PTPRS: variants seen among roughly 807,000 people sequenced by gnomAD.
The protein encoded by PTPRS is protein tyrosine phosphatase receptor type S.
Under a neutral mutation model 215.3 loss-of-function variants are expected in PTPRS, and 63 were observed. That is an observed-to-expected ratio of 0.29 (90% confidence interval 0.24 to 0.36). The LOEUF (loss-of-function observed/expected upper bound fraction) is 0.36, where lower values mean the gene tolerates loss of function less well. Ranked by LOEUF, PTPRS falls within the 10% of genes least tolerant of loss-of-function variation. PTPRS has a pLI of 1.00. For missense variants in PTPRS, 2,258 were observed against 2,825.8 expected (o/e 0.80, Z 4.56); for synonymous variants, 1,404 against 1,191.4 (o/e 1.18, Z -3.68).
At chr19:5,271,046 C>A (rs1003320485) in intron 4 of PTPRS, among the ~76,000 whole-genome samples, 1 of 152,166 alleles carries the variant, frequency 6.6e-6, no homozygotes, top group Non-Finnish European at 1.5e-5. Context: ...GCTGTGATAA[C>A]CCCTCCCAGG....
intron 1 of PTPRS, among the ~76,000 whole-genome samples, chr19:5,303,985 G>A (rs541717818): frequency 3.7e-5 from 4 of 108,484 alleles, no homozygotes; most frequent in African/African-American, 8.6e-5. Flanking sequence ...AAACAGAAGC[G>A]CGGAGGGCTA....
Position 5,210,554 on chromosome 19 carries a change from C to A in PTPRS, c.5402G>T (p.Arg1801Leu), listed in dbSNP as rs770322238. The A allele has an allele frequency of 1.9e-6, 3 of 1,614,158 alleles. No homozygotes were observed. The highest frequency in any genetic ancestry group is 2.5e-6 in the Non-Finnish European group (3 of 1,180,020). Residue 1801 changes from arginine (R) to leucine (L), a missense_variant, in exon 35 of 38, where the codon CGC (arginine) becomes CTC (leucine). Physicochemically the swap from Arg to Leu is moderately radical, Grantham distance 102. This residue lies in a region of PTPRS where 927 missense variants were observed against 1,125.9 expected (regional missense o/e 0.82). Coordinates refer to ENST00000262963, the MANE Select transcript of PTPRS (RefSeq NM_002850.4). The surrounding 1 kb of genome is among the most constrained non-coding windows in gnomAD (Gnocchi z 4.5). ...HQYWPAERSA[R>L]YQYFVVDPMA... Reference sequence around the variant, plus strand: ...CGGATCTACCACAAAGTACTGGTAGCGGGCAGAGCGCTCGGCCGGCCAGTA... The same window carrying A: ...CGGATCTACCACAAAGTACTGGTAGAGGGCAGAGCGCTCGGCCGGCCAGTA...
At position 5,265,660 on chromosome 19, in the gene PTPRS, A is replaced by AG. The variant is rs2046346489; in HGVS notation, c.380-465dup. Among the ~76,000 whole-genome samples, 6 of 151,684 alleles carry AG rather than the reference A, an allele frequency of 4.0e-5. No homozygotes were observed. In the South Asian group the frequency reaches 1.3e-3, roughly 32 times the overall value. On this transcript the variant is annotated intron_variant, in intron 4 of 37. Coordinates refer to ENST00000262963, the MANE Select transcript of PTPRS (RefSeq NM_002850.4). ...CCTGGTTGGGTCCCTCTTCTGTACAAGGGGGAGGCTGGTGTCAGGGAGCTG... is the reference window on the plus strand; with the variant it reads ...CCTGGTTGGGTCCCTCTTCTGTACAAGGGGGGAGGCTGGTGTCAGGGAGCTG...
chr19:5,244,525 T>A lies in PTPRS; in HGVS notation c.989-43A>T. On this transcript the variant is annotated intron_variant, in intron 10 of 37. Coordinates refer to ENST00000262963, the MANE Select transcript of PTPRS (RefSeq NM_002850.4). This position sits in a 1 kb window ranked among gnomAD's most constrained non-coding sequence, Gnocchi z 7.2. ...CTGTGTCACGCATTGGGCACATTGG[T>A]TGAGGACCCTGAAGGCTGTGTGACT... The A allele has an allele frequency of 6.6e-7, 1 of 1,525,056 alleles. No individual in the cohort carries two copies. The allele number at this position is 1,525,056 out of a possible 1,614,324, so 94.5% of individuals were successfully genotyped here. A position where few individuals can be genotyped will look rare whatever the true frequency, so the allele number is the denominator to read the frequency against.
chr19:5,206,450 C>G lies in PTPRS; in HGVS notation c.*324G>C. 1 of 383,976 alleles carries G rather than the reference C, an allele frequency of 2.6e-6. No homozygotes were observed. Among genetic ancestry groups the G allele is most frequent in the South Asian group, 2.8e-5 (1 of 36,308 alleles). 23.8% of individuals were successfully genotyped at this position (383,976 alleles called of 1,614,324 possible). ...GGGTCCGTCTATGGTCTGTGCCCCA[C>G]CCTCCTCTGGTTCTGGGGAGCACTC... On this transcript the variant is annotated 3_prime_UTR_variant, in exon 38 of 38. Coordinates refer to ENST00000262963, the MANE Select transcript of PTPRS (RefSeq NM_002850.4).
At chr19:5,230,897 C>T (rs371768168) in intron 14 of PTPRS, among the ~76,000 whole-genome samples, 3 of 152,190 alleles carry the variant, frequency 2.0e-5, no homozygotes, top group Non-Finnish European at 4.4e-5. Flanking sequence ...TGGGTGAGGA[C>T]GGGAACATTT....
chr19:5,297,680 G>A (rs2049177535), intron 1 of PTPRS, among the ~76,000 whole-genome samples: 1 of 152,166 alleles, frequency 6.6e-6, no homozygotes, highest in Admixed American at 6.5e-5. Flanking sequence ...CCTGGAGGAA[G>A]AGAGCAAATC....
At chr19:5,218,046 C>G (rs944865017) in intron 25 of PTPRS, among the ~76,000 whole-genome samples, 59 of 152,134 alleles carry the variant, frequency 3.9e-4, no homozygotes, top group African/African-American at 1.4e-3. Context: ...CAAACCTCAA[C>G]TCCCACCACC....
chr19:5,336,034 GAGAC>G (rs922893291), intron 1 of PTPRS, among the ~76,000 whole-genome samples: 1 of 151,396 alleles, frequency 6.6e-6, no homozygotes, highest in Admixed American at 6.6e-5. Flanking sequence ...AAAAAAGAGA[GAGAC>G]AAAAATAAAG....
At chr19:5,241,224 G>C (rs558511434) in intron 11 of PTPRS, among the ~76,000 whole-genome samples, 1 of 151,796 alleles carries the variant, frequency 6.6e-6, no homozygotes, top group Non-Finnish European at 1.5e-5. Context: ...CAGTGCCCTC[G>C]CTGGCTGCGA....
intron 7 of PTPRS, among the ~76,000 whole-genome samples, chr19:5,258,893 A>C (rs1242947256): frequency 1.3e-5 from 2 of 152,212 alleles, no homozygotes; most frequent in African/African-American, 4.8e-5. Flanking sequence ...TAAAAGTCTG[A>C]ATTTACCTGC....
At chr19:5,291,683 C>T (rs557189667) in intron 1 of PTPRS, among the ~76,000 whole-genome samples, 1 of 151,968 alleles carries the variant, frequency 6.6e-6, no homozygotes, top group Admixed American at 6.6e-5. Flanking sequence ...ACCTGGCACA[C>T]CCTTCCCCAG....
At position 5,211,841 on chromosome 19, in the gene PTPRS, T is replaced by G. The variant is rs2040920449; in HGVS notation, c.5056-73A>C. Reference sequence around the variant, plus strand: ...ATGCTTTCAGCTGGAGCACCAATGGTGGATAGGTAGGTAGGGGCACCCTGC... The same window carrying G: ...ATGCTTTCAGCTGGAGCACCAATGGGGGATAGGTAGGTAGGGGCACCCTGC... On this transcript the variant is annotated intron_variant, in intron 32 of 37. Transcript: ENST00000262963. 2.5e-6 allele frequency: 4 copies of G among 1,586,012 alleles called. No homozygotes were observed. In the East Asian group the frequency reaches 9.0e-5, roughly 36 times the overall value.
At chr19:5,307,881 C>T (rs763874565) in intron 1 of PTPRS, among the ~76,000 whole-genome samples, 2 of 152,194 alleles carry the variant, frequency 1.3e-5, no homozygotes, top group Non-Finnish European at 2.9e-5. Context: ...CACATAGCCA[C>T]GCCCACCAGT....
At chr19:5,283,700 A>T (rs1311704385) in intron 2 of PTPRS, among the ~76,000 whole-genome samples, 2 of 152,184 alleles carry the variant, frequency 1.3e-5, no homozygotes, top group Admixed American at 6.5e-5. Flanking sequence ...ATCACAGTGC[A>T]GCTATACCTG....
At chr19:5,325,850 G>A (rs1047485203) in intron 1 of PTPRS, among the ~76,000 whole-genome samples, 3 of 152,228 alleles carry the variant, frequency 2.0e-5, no homozygotes, top group South Asian at 2.1e-4. Flanking sequence ...GGGAAGCAAC[G>A]CTCAGTTCAA....
rs1305100799 is a variant in PTPRS, at chr19:5,212,729, G to T, written c.4615-238C>A. Among the ~76,000 whole-genome samples the T allele has an allele frequency of 5.3e-5, 8 of 152,236 alleles. No homozygotes were observed. The East Asian group carries it at 1.5e-3, about 29-fold the overall frequency. On this transcript the variant is annotated intron_variant, in intron 30 of 37. Coordinates refer to ENST00000262963, the MANE Select transcript of PTPRS (RefSeq NM_002850.4). The stretch of plus-strand genomic sequence containing the variant: ...ATGGTGGTGCATGCCTGTAATCTCA[G>T]CTACTTGGGAGGCTGAGGCAGGAGA...
In PTPRS at chr19:5,338,439, G is replaced by A. The variant is rs546788661; in HGVS notation, c.-95+2225C>T. ...ACAGGGCAGGACCCTGCTTCCCGGAGGGAAATAATGAAGACTCCGCCAGCC... is the reference window on the plus strand; with the variant it reads ...ACAGGGCAGGACCCTGCTTCCCGGAAGGAAATAATGAAGACTCCGCCAGCC... On this transcript the variant is annotated intron_variant, in intron 1 of 37. Coordinates refer to ENST00000262963, the MANE Select transcript of PTPRS (RefSeq NM_002850.4). The surrounding 1 kb of genome is among the most constrained non-coding windows in gnomAD (Gnocchi z 4.2). Among the ~76,000 whole-genome samples, 29 of 152,284 alleles carry A rather than the reference G, an allele frequency of 1.9e-4. No homozygotes were observed. Among genetic ancestry groups the A allele is most frequent in the African/African-American group, 4.8e-4 (20 of 41,570 alleles).
chr19:5,220,177 G>A lies in PTPRS; in HGVS notation c.3550-23C>T, dbSNP rs1568394640. The A allele has an allele frequency of 4.4e-6, 7 of 1,609,142 alleles. No homozygotes were observed. The South Asian group carries it at 4.4e-5, about 10-fold the overall frequency. On this transcript the variant is annotated intron_variant, in intron 21 of 37. Coordinates refer to ENST00000262963, the MANE Select transcript of PTPRS (RefSeq NM_002850.4). Reference sequence around the variant, plus strand: ...GAGCTGCGGGAACAGAGTCATGGGTGGCTCAGAGCTCAGCTGGGAGCAACA... The same window carrying A: ...GAGCTGCGGGAACAGAGTCATGGGTAGCTCAGAGCTCAGCTGGGAGCAACA...
Sources: gnomAD v4.1 joint callset for allele counts (sites outside exome capture counted in the v4.1 genomes callset) on GRCh38, gnomAD v4.1.1 for gene constraint, gnomAD v4.1.1 regional missense constraint, Gnocchi (gnomAD v3.1) non-coding constraint, MANE v1.5 for transcripts, NCBI Gene and HGNC (gene_info 2026-07-23, HGNC 2026-07-21) for gene names.